Variants in ZFAND3 observed in about 807,000 individuals in gnomAD.
ZFAND3 encodes the protein zinc finger AN1-type containing 3.
Under a neutral mutation model 29.6 loss-of-function variants are expected in ZFAND3, and 10 were observed. The ratio of observed to expected loss-of-function variants is 0.34; its 90% CI spans 0.21 to 0.57. The LOEUF is 0.57. Among genes scored for constraint, ZFAND3 ranks in the 20% least tolerant of loss-of-function variants. ZFAND3 has a pLI of 0.86. For missense variants in ZFAND3, 230 were observed against 304.5 expected (o/e 0.76, Z 1.82); for synonymous variants, 128 against 112.6 (o/e 1.14, Z -0.87).
At chr6:38,036,053 T>A (rs1025716299) in intron 2 of ZFAND3, among the ~76,000 whole-genome samples, 45 of 152,004 alleles carry the variant, frequency 3.0e-4, no homozygotes, top group Non-Finnish European at 5.4e-4. Context: ...GAATTCAGGG[T>A]CCCCTCTCTC....
chr6:37,862,038 T>A (rs1190559152), intron 1 of ZFAND3, among the ~76,000 whole-genome samples: 1 of 152,236 alleles, frequency 6.6e-6, no homozygotes, highest in Non-Finnish European at 1.5e-5. Flanking sequence ...AGAATTATTT[T>A]TTAAAAATGT....
intron 1 of ZFAND3, among the ~76,000 whole-genome samples, chr6:37,888,322 A>G (rs1374378514): frequency 6.6e-6 from 1 of 152,200 alleles, no homozygotes; most frequent in Non-Finnish European, 1.5e-5. Flanking sequence ...TGATACTGTA[A>G]TAGATCAGCT....
At position 38,082,462 on chromosome 6, in the gene ZFAND3, G is replaced by C. The variant is rs778956603; in HGVS notation, c.361+5G>C. ...CAAAAAGATCCTGTGGTACAGGTAT[G>C]TACGTCATTCTTATGTGAATTCATC... On this transcript the variant is annotated splice_donor_5th_base_variant and intron_variant, in intron 4 of 5. Transcript: ENST00000287218. 6.2e-7 allele frequency: 1 copy of C among 1,610,402 alleles called. No homozygotes were observed. The highest frequency in any genetic ancestry group is 1.1e-5 in the South Asian group (1 of 90,642).
At chr6:37,963,493 T>C (rs1407661889) in intron 2 of ZFAND3, among the ~76,000 whole-genome samples, 2 of 151,484 alleles carry the variant, frequency 1.3e-5, no homozygotes, top group East Asian at 3.9e-4. Flanking sequence ...CGAGCAGAAA[T>C]ACATGAATTT....
intron 1 of ZFAND3, among the ~76,000 whole-genome samples, chr6:37,826,514 G>A (rs908993911): frequency 6.6e-6 from 1 of 152,114 alleles, no homozygotes; most frequent in Non-Finnish European, 1.5e-5. Context: ...AGCACTTTGC[G>A]AGGCCAAGGC....
Position 37,957,481 on chromosome 6 carries a change from A to G in ZFAND3, c.112+27482A>G, listed in dbSNP as rs941601326. Among the ~76,000 whole-genome samples the G allele has an allele frequency of 4.6e-5, 7 of 152,280 alleles. No individual in the cohort carries two copies. In the East Asian group the frequency reaches 5.8e-4, roughly 13 times the overall value. Reference sequence around the variant, plus strand: ...AAAATAAATTAGTGAGGCACTTACTAAACTTTCAACATGTATACATGTAAG... The same window carrying G: ...AAAATAAATTAGTGAGGCACTTACTGAACTTTCAACATGTATACATGTAAG... On this transcript the variant is annotated intron_variant, in intron 2 of 5. Transcript: ENST00000287218.
At chr6:37,990,751 T>C (rs1002173581) in intron 2 of ZFAND3, among the ~76,000 whole-genome samples, 34 of 150,300 alleles carry the variant, frequency 2.3e-4, no homozygotes, top group African/African-American at 8.2e-4. Context: ...ACGTTTCAGT[T>C]CAGACCAGTC....
At chr6:38,061,884 A>G (rs1011078434) in intron 3 of ZFAND3, 109 bp downstream of exon 3, 2 of 1,320,074 alleles carry the variant, frequency 1.5e-6, no homozygotes, top group Non-Finnish European at 2.0e-6. Context: ...TTAATTCAAG[A>G]TAAGTGTCCA....
intron 2 of ZFAND3, among the ~76,000 whole-genome samples, chr6:38,012,596 C>T (rs1287310728): frequency 6.6e-6 from 1 of 152,128 alleles, no homozygotes; most frequent in Non-Finnish European, 1.5e-5. Context: ...TCAGGCTGAT[C>T]TTGAACTCCT....
At chr6:37,880,315 C>G (rs1441312039) in intron 1 of ZFAND3, among the ~76,000 whole-genome samples, 1 of 152,184 alleles carries the variant, frequency 6.6e-6, no homozygotes. Context: ...GATGTTGCAG[C>G]AATTCTTTTT....
intron 4 of ZFAND3, among the ~76,000 whole-genome samples, chr6:38,084,672 A>G (rs888110134): frequency 2.0e-5 from 3 of 152,116 alleles, no homozygotes; most frequent in African/African-American, 7.2e-5. Context: ...ATATTTTTAG[A>G]TCTCCGTTAG....
At chr6:37,972,748 G>T (rs1342238512) in intron 2 of ZFAND3, among the ~76,000 whole-genome samples, 1 of 151,276 alleles carries the variant, frequency 6.6e-6, no homozygotes, top group South Asian at 2.1e-4. Context: ...TTGGCTGAAG[G>T]TACTTAAAAT....
intron 1 of ZFAND3, among the ~76,000 whole-genome samples, chr6:37,918,146 G>A (rs576050575): frequency 2.0e-5 from 3 of 151,416 alleles, no homozygotes; most frequent in African/African-American, 7.3e-5. Context: ...GTGTGATCTC[G>A]GCTCACTGCA....
chr6:37,863,120 T>C (rs544972069), intron 1 of ZFAND3, among the ~76,000 whole-genome samples: 2 of 152,294 alleles, frequency 1.3e-5, no homozygotes, highest in Admixed American at 1.3e-4. Context: ...GCTGACACTT[T>C]GATCAAGACT....
chr6:38,004,820 G>A (rs1763020704), intron 2 of ZFAND3, among the ~76,000 whole-genome samples: 1 of 152,104 alleles, frequency 6.6e-6, no homozygotes, highest in African/African-American at 2.4e-5. Context: ...TCCATTAAAT[G>A]TCTGGCTATA....
chr6:38,119,366 AC>A (rs997911007), intron 5 of ZFAND3, among the ~76,000 whole-genome samples: 75 of 152,114 alleles, frequency 4.9e-4, no homozygotes, highest in African/African-American at 1.7e-3. Flanking sequence ...GAAAGTGAAG[AC>A]TCAGGAAGGT....
intron 2 of ZFAND3, among the ~76,000 whole-genome samples, chr6:38,032,563 T>A (rs1006173462): frequency 3.9e-5 from 6 of 152,332 alleles, no homozygotes; most frequent in African/African-American, 1.4e-4. Flanking sequence ...TTACTTAAAA[T>A]GTACTGAAGA....
At chr6:37,869,547 C>A (rs995547276) in intron 1 of ZFAND3, among the ~76,000 whole-genome samples, 62 of 148,544 alleles carry the variant, frequency 4.2e-4, no homozygotes, top group Middle Eastern at 6.8e-3. Flanking sequence ...GTCTTGCTGT[C>A]ACCCAGGCTT....
intron 1 of ZFAND3, among the ~76,000 whole-genome samples, chr6:37,867,307 G>A (rs1021059742): frequency 3.9e-5 from 6 of 152,110 alleles, no homozygotes; most frequent in African/African-American, 1.4e-4. Context: ...TTATATTTTC[G>A]TGCGTGAAAA....
Sources: gnomAD v4.1 joint callset for allele counts (sites outside exome capture counted in the v4.1 genomes callset) on GRCh38, gnomAD v4.1.1 for gene constraint, MANE v1.5 for transcripts, NCBI Gene and HGNC (gene_info 2026-07-23, HGNC 2026-07-21) for gene names.